The following OR10J1 variants were observed in gnomAD, a reference collection of about 807,000 sequenced individuals.
OR10J1 encodes olfactory receptor 10J1.
For synonymous variants in OR10J1, 202 were observed against 143.8 expected (o/e 1.40, Z -2.89); for missense variants, 474 against 376.6 (o/e 1.26, Z -2.14).
the OR10J1 span, among the ~76,000 whole-genome samples, chr1:159,422,722 T>C: frequency 6.6e-6 from 1 of 152,210 alleles, no homozygotes; most frequent in African/African-American, 2.4e-5. Context: ...AGCAGTGCCT[T>C]TGTGTAGTCC....
the OR10J1 span, among the ~76,000 whole-genome samples, chr1:159,415,168 C>G: frequency 6.6e-6 from 1 of 151,948 alleles, no homozygotes; most frequent in Non-Finnish European, 1.5e-5. Flanking sequence ...GAAGGGTTTT[C>G]CCTACGTTTT....
At chr1:159,433,388 A>G (rs1262747327), upstream of OR10J1, among the ~76,000 whole-genome samples, 1 of 152,246 alleles carries the variant, frequency 6.6e-6, no homozygotes, top group African/African-American at 2.4e-5. Flanking sequence ...AAGCATATCC[A>G]TGCACTGCAC....
upstream of OR10J1, among the ~76,000 whole-genome samples, chr1:159,435,787 C>G (rs772985247): frequency 1.3e-5 from 2 of 152,192 alleles, no homozygotes; most frequent in Non-Finnish European, 2.9e-5. Flanking sequence ...CTACTGAAAT[C>G]TGTTCCCCAA....
the OR10J1 span, among the ~76,000 whole-genome samples, chr1:159,404,450 A>G: frequency 6.6e-6 from 1 of 152,112 alleles, no homozygotes; most frequent in South Asian, 2.1e-4. Flanking sequence ...GCAGTGCGCG[A>G]CAGTGCCACA....
the OR10J1 span, among the ~76,000 whole-genome samples, chr1:159,430,668 T>TGTGTGTGCGCGCGCGC: frequency 1.4e-5 from 1 of 69,610 alleles, no homozygotes; most frequent in African/African-American, 3.1e-5. Flanking sequence ...TGTGTGTGTG[T>TGTGTGTGCGCGCGCGC]GCGCGCGCGC....
chr1:159,422,330 G>A, the OR10J1 span, among the ~76,000 whole-genome samples: 3 of 152,166 alleles, frequency 2.0e-5, no homozygotes, highest in Non-Finnish European at 4.4e-5. Flanking sequence ...CCCTACTACT[G>A]AGGAGGGTGG....
At chr1:159,439,590 T>C (rs1431935566), upstream of OR10J1, 3 of 655,320 alleles carry the variant, frequency 4.6e-6, no homozygotes, top group Non-Finnish European at 7.8e-6. Flanking sequence ...GCATGGAAAA[T>C]TATAACAGAT....
chr1:159,422,153 G>A, the OR10J1 span, among the ~76,000 whole-genome samples: 2 of 152,138 alleles, frequency 1.3e-5, no homozygotes, highest in Non-Finnish European at 2.9e-5. Flanking sequence ...GGCTGGGCTG[G>A]GTGATTTCCA....
chr1:159,422,299 G>T, the OR10J1 span, among the ~76,000 whole-genome samples: 1 of 152,142 alleles, frequency 6.6e-6, no homozygotes, highest in Non-Finnish European at 1.5e-5. Context: ...CTTAGATGGG[G>T]CAGCAGTGAC....
chr1:159,423,902 A>G, the OR10J1 span, among the ~76,000 whole-genome samples: 1 of 152,184 alleles, frequency 6.6e-6, no homozygotes, highest in African/African-American at 2.4e-5. Flanking sequence ...GAGCTTTTTT[A>G]TTAGATATGA....
chr1:159,421,598 T>A, the OR10J1 span, among the ~76,000 whole-genome samples: 237 of 152,348 alleles, frequency 1.6e-3, no homozygotes, highest in Middle Eastern at 0.01. Flanking sequence ...GTTAGGGCAC[T>A]GTGGCTTGGA....
chr1:159,423,124 T>C, the OR10J1 span, among the ~76,000 whole-genome samples: 3,753 of 152,278 alleles, frequency 0.025, 166 homozygotes, highest in African/African-American at 0.081. Context: ...ACATTTTTTT[T>C]CTTTATACAA....
At chr1:159,403,560 T>C in the OR10J1 span, among the ~76,000 whole-genome samples, 1 of 152,252 alleles carries the variant, frequency 6.6e-6, no homozygotes, top group South Asian at 2.1e-4. Context: ...AAAACTACAG[T>C]GAGATATCAT....
At chr1:159,410,100 C>T in the OR10J1 span, among the ~76,000 whole-genome samples, 9 of 152,152 alleles carry the variant, frequency 5.9e-5, no homozygotes, top group South Asian at 2.1e-4. Context: ...TTCATTTTGC[C>T]GGTATTTTAT....
At chr1:159,436,259 T>C (rs1655734804), upstream of OR10J1, among the ~76,000 whole-genome samples, 4 of 152,090 alleles carry the variant, frequency 2.6e-5, no homozygotes, top group African/African-American at 9.7e-5. Context: ...TGGAGATCAT[T>C]TTCTTTGCTT....
the OR10J1 span, among the ~76,000 whole-genome samples, chr1:159,416,573 A>G: frequency 6.6e-6 from 1 of 151,322 alleles, no homozygotes; most frequent in East Asian, 1.9e-4. Flanking sequence ...GTCTGGTTTT[A>G]GTATTAGGGT....
chr1:159,413,941 A>G, the OR10J1 span, among the ~76,000 whole-genome samples: 26 of 152,144 alleles, frequency 1.7e-4, no homozygotes, highest in East Asian at 4.8e-3. Context: ...ACACTTATTT[A>G]ATGGGTTTTT....
At chr1:159,430,191 G>A in the OR10J1 span, among the ~76,000 whole-genome samples, 2 of 151,778 alleles carry the variant, frequency 1.3e-5, no homozygotes, top group South Asian at 2.1e-4. Flanking sequence ...AAAAATCACC[G>A]AGAAAGGATA....
At chr1:159,420,375 G>T in the OR10J1 span, among the ~76,000 whole-genome samples, 1 of 151,862 alleles carries the variant, frequency 6.6e-6, no homozygotes, top group South Asian at 2.1e-4. Context: ...ATTGATTTCT[G>T]GTTGTTTTGT....
Sources: allele counts gnomAD v4.1 joint callset (sites outside exome capture counted in the v4.1 genomes callset), GRCh38; gene constraint gnomAD v4.1.1; transcripts MANE v1.5; gene names NCBI Gene and HGNC (gene_info 2026-07-23, HGNC 2026-07-21).